The following AGBL4 variants were observed in gnomAD, a reference collection of about 807,000 sequenced individuals.
AGBL4 encodes the protein cytosolic carboxypeptidase 6.
Under a neutral mutation model 66.4 loss-of-function variants are expected in AGBL4, and 58 were observed. The observed-to-expected ratio is 0.87, with a 90% CI of 0.71 to 1.09. AGBL4 has a LOEUF of 1.09. AGBL4 is among the 50% of genes least tolerant of loss of function. AGBL4 has a pLI of 0.00. For synonymous variants in AGBL4, 234 were observed against 222.9 expected, an observed-to-expected ratio of 1.05 and a Z score of -0.44; for missense variants, 579 against 631.0, an observed-to-expected ratio of 0.92 and a Z score of 0.88.
At position 49,743,014 on chromosome 1, in the gene AGBL4, C is replaced by T. The variant is rs189147943; in HGVS notation, c.158-45577G>A. 1.6e-4 allele frequency among the ~76,000 whole-genome samples: 24 copies of T among 152,188 alleles called. No homozygotes were observed. The East Asian group carries it at 4.6e-3, about 29-fold the overall frequency. ...GGGCAAGGACTTCATGTCTAAAACA[C>T]CAAAAGCAATGACAACAAAAGACAA... On this transcript the variant is annotated intron_variant, in intron 2 of 13. Transcript: ENST00000371839.
chr1:49,533,344 T>C (rs1399588550), intron 3 of AGBL4, among the ~76,000 whole-genome samples: 1 of 152,202 alleles, frequency 6.6e-6, no homozygotes, highest in Non-Finnish European at 1.5e-5. Flanking sequence ...GTTTAGAAAA[T>C]AAGCCACAAA....
At chr1:49,967,595 T>C (rs1657673185) in intron 1 of AGBL4, among the ~76,000 whole-genome samples, 1 of 152,030 alleles carries the variant, frequency 6.6e-6, no homozygotes, top group African/African-American at 2.4e-5. Flanking sequence ...CAAACCACCA[T>C]GCCACGTGTA....
At chr1:49,013,253 G>A (rs1294033556) in intron 5 of AGBL4, among the ~76,000 whole-genome samples, 1 of 152,280 alleles carries the variant, frequency 6.6e-6, no homozygotes, top group Non-Finnish European at 1.5e-5. Context: ...ACTTGCCTGT[G>A]GTATCCTGGG....
chr1:48,985,434 C>G (rs1660107493), intron 5 of AGBL4, among the ~76,000 whole-genome samples: 1 of 151,964 alleles, frequency 6.6e-6, no homozygotes, highest in Admixed American at 6.6e-5. Flanking sequence ...AAACTGCAGC[C>G]AAGGAAAGAA....
chr1:48,805,493 A>T (rs1645902761), intron 6 of AGBL4, among the ~76,000 whole-genome samples: 1 of 152,166 alleles, frequency 6.6e-6, no homozygotes, highest in African/African-American at 2.4e-5. Flanking sequence ...TGGAACAGGG[A>T]TAATAACATC....
Position 49,850,918 on chromosome 1 carries a change from C to T in AGBL4, c.157+478G>A, listed in dbSNP as rs181933665. ...AGTCCTCATCTCCACTATCAGAACA[C>T]CCACAGCATTTGCCAATTACGAGGA... On this transcript the variant is annotated intron_variant, in intron 2 of 13. Transcript: ENST00000371839. 9.7e-4 allele frequency among the ~76,000 whole-genome samples: 148 copies of T among 152,176 alleles called. 1 individual carries two copies. Among genetic ancestry groups the T allele is most frequent in the South Asian group, 1.7e-3 (8 of 4,826 alleles).
Position 48,647,922 on chromosome 1 carries a change from T to G in AGBL4, c.839+5415A>C, listed in dbSNP as rs374323760. ...CCAACTAGGAGTTGCTTGCAGCTTC[T>G]TGGCTCTGTAATACCTGAAGTTACA... On this transcript the variant is annotated intron_variant, in intron 8 of 13. Transcript: ENST00000371839. 1.4e-3 allele frequency among the ~76,000 whole-genome samples: 213 copies of G among 152,336 alleles called. 3 individuals are homozygous for G. The South Asian group carries it at 0.04, about 29-fold the overall frequency.
chr1:49,049,511 T>C (rs920368528), intron 4 of AGBL4, among the ~76,000 whole-genome samples: 1 of 152,116 alleles, frequency 6.6e-6, no homozygotes, highest in Admixed American at 6.6e-5. Flanking sequence ...AAATATAAAC[T>C]GTGTTACTTC....
intron 3 of AGBL4, among the ~76,000 whole-genome samples, chr1:49,302,600 ATTTTATTT>A (rs1644768403): frequency 1.6e-5 from 2 of 126,206 alleles, no homozygotes; most frequent in Non-Finnish European, 3.6e-5. Context: ...TTTATATTTT[ATTTTATTT>A]TTTTATTTTA....
chr1:48,706,623 A>AAGC (rs1646884160), intron 6 of AGBL4, among the ~76,000 whole-genome samples: 1 of 152,196 alleles, frequency 6.6e-6, no homozygotes, highest in South Asian at 2.1e-4. Flanking sequence ...AACCTGTGGA[A>AAGC]AGCAGTAGGA....
chr1:49,464,212 C>T (rs972126832), intron 3 of AGBL4, among the ~76,000 whole-genome samples: 3 of 151,704 alleles, frequency 2.0e-5, no homozygotes, highest in African/African-American at 7.3e-5. Flanking sequence ...GGAGCTGACA[C>T]GTGGGCTGAA....
intron 2 of AGBL4, among the ~76,000 whole-genome samples, chr1:49,828,125 TAA>T (rs575921853): frequency 1.4e-5 from 2 of 144,596 alleles, no homozygotes; most frequent in Admixed American, 7.0e-5. Context: ...ACCAATGCAG[TAA>T]AAAAAAAAAC....
chr1:48,683,965 G>A (rs555414247), intron 6 of AGBL4, among the ~76,000 whole-genome samples: 5 of 152,286 alleles, frequency 3.3e-5, no homozygotes, highest in South Asian at 2.1e-4. Flanking sequence ...CAGTCATATG[G>A]CATTCTAAAA....
Position 49,134,340 on chromosome 1 carries a change from C to T in AGBL4, c.378-88540G>A, listed in dbSNP as rs534869833. On this transcript the variant is annotated intron_variant, in intron 4 of 13. Transcript: ENST00000371839. ...TTAACAGGGTTCAAGAGCAGAGAAC[C>T]GGTCTGACTAGAATTTGCCAGGCTG... 3.9e-5 allele frequency among the ~76,000 whole-genome samples: 6 copies of T among 152,150 alleles called. No individual in the cohort carries two copies. The East Asian group carries it at 5.8e-4, about 15-fold the overall frequency.
intron 3 of AGBL4, among the ~76,000 whole-genome samples, chr1:49,531,846 C>T (rs1651166340): frequency 6.6e-6 from 1 of 152,072 alleles, no homozygotes; most frequent in African/African-American, 2.4e-5. Context: ...GAGGCTCTCA[C>T]ATTTAGAGTA....
chr1:49,475,280 A>G (rs1181042920), intron 3 of AGBL4, among the ~76,000 whole-genome samples: 1 of 152,048 alleles, frequency 6.6e-6, no homozygotes, highest in African/African-American at 2.4e-5. Context: ...AATTCCAGGA[A>G]TAAAGCCCAC....
chr1:49,283,391 CA>C (rs1644325463), intron 3 of AGBL4, among the ~76,000 whole-genome samples: 1 of 152,138 alleles, frequency 6.6e-6, no homozygotes, highest in South Asian at 2.1e-4. Flanking sequence ...CATCAAAGAC[CA>C]AAAGTAGATA....
At chr1:49,948,261 TAA>T (rs1318569916) in intron 1 of AGBL4, among the ~76,000 whole-genome samples, 2 of 101,536 alleles carry the variant, frequency 2.0e-5, no homozygotes, top group African/African-American at 4.7e-5. Flanking sequence ...TATAAATATA[TAA>T]ATAAATACAT....
intron 3 of AGBL4, among the ~76,000 whole-genome samples, chr1:49,560,407 G>A (rs1644009287): frequency 6.6e-6 from 1 of 151,846 alleles, no homozygotes; most frequent in African/African-American, 2.4e-5. Flanking sequence ...CCTGAAGACA[G>A]GCTATTTAAA....
Sources: gnomAD v4.1 joint callset for allele counts (sites outside exome capture counted in the v4.1 genomes callset) on GRCh38, gnomAD v4.1.1 for gene constraint, MANE v1.5 for transcripts, NCBI Gene and HGNC (gene_info 2026-07-23, HGNC 2026-07-21) for gene names.